Variants in KARS1 observed in about 807,000 individuals in gnomAD.
The protein encoded by KARS1 is lysyl-tRNA synthetase 1, also known as lysine--tRNA ligase.
Under a neutral mutation model 63.9 loss-of-function variants are expected in KARS1, and 50 were observed. That is an observed-to-expected ratio of 0.78 (90% confidence interval 0.62 to 0.99). The LOEUF (loss-of-function observed/expected upper bound fraction) is 0.99, where lower values mean the gene tolerates loss of function less well. Ranked by LOEUF, KARS1 falls within the 50% of genes least tolerant of loss-of-function variation. KARS1 has a pLI of 0.00. For missense variants in KARS1, 816 were observed against 754.5 expected, an observed-to-expected ratio of 1.08 and a Z score of -0.95; for synonymous variants, 320 against 264.6, an observed-to-expected ratio of 1.21 and a Z score of -2.03.
chr16:75,639,177 A>T (rs910982153), intron 3 of KARS1, among the ~76,000 whole-genome samples: 9 of 152,170 alleles, frequency 5.9e-5, no homozygotes, highest in Non-Finnish European at 2.9e-5. Flanking sequence ...TCAAAAAAAT[A>T]AAAATAAAAA....
At chr16:75,643,072 A>C (rs747448363) in intron 1 of KARS1, among the ~76,000 whole-genome samples, 1 of 152,208 alleles carries the variant, frequency 6.6e-6, no homozygotes, top group Non-Finnish European at 1.5e-5. Flanking sequence ...AACCTGAAAA[A>C]CCAAAGTAAT....
At position 75,635,896 on chromosome 16, in the gene KARS1, G is replaced by A. The variant is rs760336235; in HGVS notation, c.669+16C>T. 2.5e-6 allele frequency: 4 copies of A among 1,613,922 alleles called. No homozygotes were observed. In the African/African-American group the frequency reaches 5.3e-5, roughly 22 times the overall value. On this transcript the variant is annotated intron_variant, in intron 5 of 13. Transcript: ENST00000302445. The stretch of plus-strand genomic sequence containing the variant: ...GAAAGCTAGGAGGCCACAGCTAGGA[G>A]GCCAAGAACGCTTACCTTGTCTTTG...
chr16:75,634,866 C>A (rs959103203), intron 6 of KARS1, among the ~76,000 whole-genome samples: 2 of 152,132 alleles, frequency 1.3e-5, no homozygotes, highest in Non-Finnish European at 2.9e-5. Flanking sequence ...TGAGCCACTG[C>A]GCCCGGCCCA....
At chr16:75,645,281 G>GCTGT (rs1340762366) in intron 1 of KARS1, among the ~76,000 whole-genome samples, 1 of 152,226 alleles carries the variant, frequency 6.6e-6, no homozygotes, top group Non-Finnish European at 1.5e-5. Context: ...GTAGTGCTGT[G>GCTGT]CAGTCAGGAT....
chr16:75,643,056 C>T (rs1032779119), intron 1 of KARS1, among the ~76,000 whole-genome samples: 1 of 152,176 alleles, frequency 6.6e-6, no homozygotes, highest in African/African-American at 2.4e-5. Flanking sequence ...TGATACTTAT[C>T]ACTTGAACCT....
chr16:75,641,806 T>G, intron 1 of KARS1, 83 bp from the exon 2 acceptor site: 7 of 1,439,938 alleles, frequency 4.9e-6, no homozygotes, highest in Admixed American at 1.7e-5. Flanking sequence ...ATCAAAAACA[T>G]GAATCGCCCA....
At position 75,631,959 on chromosome 16, in the gene KARS1, C is replaced by G; in HGVS notation, c.916-104G>C. 2.2e-6 allele frequency: 3 copies of G among 1,348,984 alleles called. No homozygotes were observed. In the South Asian group the frequency reaches 3.5e-5, roughly 16 times the overall value. The allele number at this position is 1,348,984 out of a possible 1,614,324, so 83.6% of individuals were successfully genotyped here. On this transcript the variant is annotated intron_variant, in intron 7 of 13. Transcript: ENST00000302445. ...CTGGAGTGCAATGGCAAGATCTCAG[C>G]TCACCGCAACCTCCGCCTCCTAGGT...
At chr16:75,636,642 T>A (rs12599809) in intron 3 of KARS1, 95 bp from the exon 4 acceptor site, 4 of 763,224 alleles carry the variant, frequency 5.2e-6, no homozygotes, top group Non-Finnish European at 8.6e-6. Context: ...TTTTTTTTTT[T>A]GTTTTTTTTG....
rs757236374 is a variant in KARS1 at position 75,631,432 on chromosome 16, G to T, written c.1236C>A (p.Asn412Lys). The change falls in exon 9 of 14, where the codon AAC (asparagine) becomes AAA (lysine). Residue 412 changes from asparagine to lysine, a missense_variant. Physicochemically the swap from Asn to Lys is moderately conservative, Grantham distance 94. Coordinates refer to ENST00000302445, the MANE Select transcript of KARS1 (RefSeq NM_005548.3). ...KALGMKLPET[N>K]LFETEETRKI... Reference sequence around the variant, plus strand: ...TCACTTTACCTTCAGTTTCAAAGAGGTTCGTTTCTGGCAGCTTCATCCCCA... The same window carrying T: ...TCACTTTACCTTCAGTTTCAAAGAGTTTCGTTTCTGGCAGCTTCATCCCCA... The T allele has an allele frequency of 6.2e-6, 10 of 1,614,014 alleles. No individual in the cohort carries two copies. Among genetic ancestry groups the T allele is most frequent in the Non-Finnish European group, 8.5e-6 (10 of 1,180,040 alleles).
At chr16:75,634,143 A>G (rs2082138933) in intron 7 of KARS1, 30 bp downstream of exon 7, 2 of 1,610,818 alleles carry the variant, frequency 1.2e-6, no homozygotes, top group Admixed American at 1.7e-5. Flanking sequence ...CTGCTTCTTT[A>G]AGGGAAAAGG....
At position 75,641,857 on chromosome 16, in the gene KARS1, C is replaced by G; in HGVS notation, c.63-134G>C. 9 of 841,756 alleles carry G rather than the reference C, an allele frequency of 1.1e-5. No individual in the cohort carries two copies. In the South Asian group the frequency reaches 1.2e-4, roughly 11 times the overall value. The allele number at this position is 841,756 out of a possible 1,614,324, so 52.1% of individuals were successfully genotyped here. A position where few individuals can be genotyped will look rare whatever the true frequency, so the allele number is the denominator to read the frequency against. On this transcript the variant is annotated intron_variant, in intron 1 of 13. Coordinates refer to ENST00000302445, the MANE Select transcript of KARS1 (RefSeq NM_005548.3). ...CTCAGTTCTATACCCCTCAATTCCA[C>G]ACCCACAGCTCAGCTCAAGTAGCTT...
At position 75,630,501 on chromosome 16, in the gene KARS1, C is replaced by A; in HGVS notation, c.1346G>T (p.Gly449Val). The A allele has an allele frequency of 6.2e-7, 1 of 1,606,346 alleles. No individual in the cohort carries two copies. Among genetic ancestry groups the A allele is most frequent in the Non-Finnish European group, 8.5e-7 (1 of 1,173,416 alleles). ...GATGCAAGTCACTTCCAGGAACTCC[C>A]CAACAAGCTTAATGAGAAAGCAAAG... ...TTARLLDKLV[G>V]EFLEVTCINP... The change falls in exon 11 of 14, where the codon GGG becomes GTG. Residue 449 changes from glycine (G) to valine (V), a missense_variant. Transcript: ENST00000302445.
Position 75,631,530 on chromosome 16 carries a change from C to T in KARS1, c.1138G>A (p.Gly380Ser). The change falls in exon 9 of 14, where the codon GGC becomes AGC. Residue 380 changes from glycine (G) to serine (S), a missense_variant. Coordinates refer to ENST00000302445, the MANE Select transcript of KARS1 (RefSeq NM_005548.3). ...KVTYHPDGPE[G>S]QAYDVDFTPP... is the part of the protein sequence containing the mutation. ...GTGAAGTCAACATCGTAGGCTTGGC[C>T]CTCTGGGCCATCTGGGTGGTAGGTG... 1.2e-6 allele frequency: 2 copies of T among 1,614,108 alleles called. No homozygotes were observed. The highest frequency in any genetic ancestry group is 1.1e-5 in the South Asian group (1 of 91,076).
chr16:75,630,799 T>C (rs1251218961), intron 10 of KARS1, among the ~76,000 whole-genome samples: 1 of 151,808 alleles, frequency 6.6e-6, no homozygotes, highest in East Asian at 1.9e-4. Context: ...CATACCCAGC[T>C]CATTTTTGGA....
chr16:75,646,725 C>A (rs1469886922), intron 1 of KARS1, among the ~76,000 whole-genome samples: 1 of 151,754 alleles, frequency 6.6e-6, no homozygotes, highest in Non-Finnish European at 1.5e-5. Context: ...CAGCACACTG[C>A]AACCTCCGCC....
At chr16:75,638,827 C>T (rs1008713035) in intron 3 of KARS1, among the ~76,000 whole-genome samples, 5 of 151,502 alleles carry the variant, frequency 3.3e-5, no homozygotes, top group African/African-American at 9.7e-5. Flanking sequence ...GATAAAAGTC[C>T]CAAAGGAAAT....
intron 9 of KARS1, 44 bp from the exon 10 acceptor site, chr16:75,631,297 G>T: frequency 6.3e-7 from 1 of 1,587,414 alleles, no homozygotes; most frequent in Non-Finnish European, 8.6e-7. Flanking sequence ...CATCACACTA[G>T]CCAAGTAAAA....
chr16:75,643,746 A>G (rs1197307600), intron 1 of KARS1, among the ~76,000 whole-genome samples: 1 of 152,232 alleles, frequency 6.6e-6, no homozygotes, highest in Admixed American at 6.5e-5. Context: ...CTTTTTCTAC[A>G]TATAATGTCT....
intron 3 of KARS1, among the ~76,000 whole-genome samples, chr16:75,637,194 G>A (rs2082171513): frequency 6.6e-6 from 1 of 151,960 alleles, no homozygotes; most frequent in Admixed American, 6.6e-5. Context: ...GAGGCGAAGC[G>A]AAAAATCCAT....
Sources: allele counts gnomAD v4.1 joint callset (sites outside exome capture counted in the v4.1 genomes callset), GRCh38; gene constraint gnomAD v4.1.1; transcripts MANE v1.5; gene names NCBI Gene and HGNC (gene_info 2026-07-23, HGNC 2026-07-21).